Variants in GART observed in about 807,000 individuals in gnomAD.
GART encodes the protein phosphoribosylglycinamide formyltransferase, phosphoribosylglycinamide synthetase, phosphoribosylaminoimidazole synthetase, also known as trifunctional purine biosynthetic protein adenosine-3.
A neutral mutation model predicts 107.2 loss-of-function variants in GART; 43 were observed. That is an observed-to-expected ratio of 0.40 (90% CI 0.31 to 0.52). The LOEUF is 0.52. GART is among the 20% of genes least tolerant of loss of function. The pLI is 0.52. For missense variants in GART, 1,107 were observed against 1,206.5 expected, an observed-to-expected ratio of 0.92 and a Z score of 1.22; for synonymous variants, 434 against 427.0, an observed-to-expected ratio of 1.02 and a Z score of -0.20.
intron 11 of GART, 192 bp downstream of exon 11, chr21:33,524,577 C>T: frequency 8.2e-7 from 1 of 1,218,144 alleles, no homozygotes; most frequent in South Asian, 2.9e-5. Flanking sequence ...CAAACTTACG[C>T]TATCATGAAG....
At position 33,503,969 on chromosome 21, in the gene GART, T is replaced by C. The variant is rs1180168190; in HGVS notation, c.*155A>G. 6.7e-6 allele frequency: 4 copies of C among 594,396 alleles called. No homozygotes were observed. In the Admixed American group the frequency reaches 1.3e-4, roughly 19 times the overall value. The allele number at this position is 594,396 out of a possible 1,614,324, so 36.8% of individuals were successfully genotyped here. A position where few individuals can be genotyped will look rare whatever the true frequency, so the allele number is the denominator to read the frequency against. On this transcript the variant is annotated 3_prime_UTR_variant, in exon 22 of 22. Coordinates refer to ENST00000381815, the MANE Select transcript of GART (RefSeq NM_000819.5). ...CTGCACTAACTAGTCTTGTTTTTAG[T>C]GAGTCTCTATTTATTAAAAAAATAG...
At chr21:33,510,906 C>T (rs906014425) in intron 17 of GART, among the ~76,000 whole-genome samples, 4 of 152,166 alleles carry the variant, frequency 2.6e-5, no homozygotes, top group South Asian at 2.1e-4. Flanking sequence ...TAGCACTTCT[C>T]GCAGAGTCCT....
At chr21:33,504,561 T>G in intron 20 of GART, 34 bp from the exon 21 acceptor site, 1 of 1,463,080 alleles carries the variant, frequency 6.8e-7, no homozygotes, top group Non-Finnish European at 9.5e-7. Context: ...GGTCAGAATT[T>G]AAAAATCCTG....
intron 7 of GART, 127 bp from the exon 8 acceptor site, chr21:33,529,064 C>A: frequency 1.8e-6 from 1 of 545,278 alleles, no homozygotes; most frequent in Non-Finnish European, 3.2e-6. Flanking sequence ...ATGCTGAACA[C>A]TTTGAACTTG....
chr21:33,509,501 CT>C, intron 18 of GART: 1 of 278,472 alleles, frequency 3.6e-6, no homozygotes. Flanking sequence ...TGTTTTCAGA[CT>C]TTTCAACAAC....
intron 18 of GART, chr21:33,509,261 A>G (rs1478430493): frequency 6.6e-6 from 1 of 152,630 alleles, no homozygotes; most frequent in Non-Finnish European, 1.5e-5. Flanking sequence ...CTGTCTCAAA[A>G]AGAATCACTA....
intron 11 of GART, among the ~76,000 whole-genome samples, chr21:33,522,871 T>C (rs2084998054): frequency 6.6e-6 from 1 of 152,226 alleles, no homozygotes; most frequent in African/African-American, 2.4e-5. Flanking sequence ...AATTTTGGTA[T>C]GAACAAGAGA....
intron 14 of GART, 73 bp downstream of exon 14, chr21:33,520,291 G>A: frequency 7.5e-7 from 1 of 1,325,962 alleles, no homozygotes; most frequent in South Asian, 1.2e-5. Context: ...CATTGGCACT[G>A]ATCACATTTT....
chr21:33,534,444 T>G, intron 4 of GART, 135 bp downstream of exon 4: 36 of 821,698 alleles, frequency 4.4e-5, no homozygotes, highest in Non-Finnish European at 6.2e-5. Context: ...CTCTAACTCC[T>G]GAGCTCAAGT....
chr21:33,535,350 A>G, intron 2 of GART, 30 bp from the exon 3 acceptor site: 1 of 1,168,582 alleles, frequency 8.6e-7, no homozygotes, highest in Non-Finnish European at 1.2e-6. Flanking sequence ...AAAAAAAACC[A>G]CTGCATTTAC....
intron 7 of GART, 66 bp from the exon 8 acceptor site, chr21:33,529,003 G>T: frequency 9.5e-7 from 1 of 1,050,592 alleles, no homozygotes; most frequent in Non-Finnish European, 1.5e-6. Flanking sequence ...GTATTACATG[G>T]GACAACAGAA....
At chr21:33,536,335 C>T (rs2085303587) in intron 2 of GART, among the ~76,000 whole-genome samples, 1 of 152,084 alleles carries the variant, frequency 6.6e-6, no homozygotes, top group Non-Finnish European at 1.5e-5. Flanking sequence ...TAGGATCAAC[C>T]ACATACTGAA....
chr21:33,519,665 A>C (rs1601193812), intron 14 of GART, among the ~76,000 whole-genome samples: 3 of 151,966 alleles, frequency 2.0e-5, no homozygotes, highest in African/African-American at 7.2e-5. Context: ...CTATCTCTAC[A>C]AAAAGTACAA....
At chr21:33,532,730 T>C (rs886073778) in intron 4 of GART, among the ~76,000 whole-genome samples, 1 of 152,186 alleles carries the variant, frequency 6.6e-6, no homozygotes, top group Non-Finnish European at 1.5e-5. Context: ...TAAGTAGATG[T>C]ATAGAGTAGA....
rs571274696 is a variant in GART at position 33,505,779 on chromosome 21, C to A, written c.2584-77G>T. 8 of 1,374,198 alleles carry A rather than the reference C, an allele frequency of 5.8e-6. No individual in the cohort carries two copies. In the Admixed American group the frequency reaches 1.2e-4, roughly 20 times the overall value. The allele number at this position is 1,374,198 out of a possible 1,614,324, so 85.1% of individuals were successfully genotyped here. A position where few individuals can be genotyped will look rare whatever the true frequency, so the allele number is the denominator to read the frequency against. ...ATTAAAAACTCAACCTTTACACAGA[C>A]CATACTTCACTTCCTTGTAAAGATA... On this transcript the variant is annotated intron_variant, in intron 19 of 21. Coordinates refer to ENST00000381815, the MANE Select transcript of GART (RefSeq NM_000819.5).
intron 12 of GART, among the ~76,000 whole-genome samples, chr21:33,521,231 T>C (rs2084967780): frequency 1.3e-5 from 2 of 152,210 alleles, no homozygotes; most frequent in Admixed American, 6.5e-5. Flanking sequence ...AACATGTTAA[T>C]AGGTTAAACA....
At chr21:33,527,659 CTT>C (rs1235622884) in intron 10 of GART, among the ~76,000 whole-genome samples, 1 of 152,004 alleles carries the variant, frequency 6.6e-6, no homozygotes, top group African/African-American at 2.4e-5. Context: ...GTTTCACCTA[CTT>C]TATATAAAGA....
At chr21:33,535,880 T>C (rs1350143579) in intron 2 of GART, among the ~76,000 whole-genome samples, 1 of 151,862 alleles carries the variant, frequency 6.6e-6, no homozygotes, top group Non-Finnish European at 1.5e-5. Context: ...ATACAAAAAG[T>C]AGCTGGGTGT....
intron 14 of GART, 52 bp downstream of exon 14, chr21:33,520,312 T>TA: frequency 1.9e-6 from 3 of 1,553,996 alleles, no homozygotes; most frequent in Non-Finnish European, 2.7e-6. Flanking sequence ...TACATAGGGC[T>TA]AAAACACAAA....
Sources: allele counts gnomAD v4.1 joint callset (sites outside exome capture counted in the v4.1 genomes callset), GRCh38; gene constraint gnomAD v4.1.1; transcripts MANE v1.5; gene names NCBI Gene and HGNC (gene_info 2026-07-23, HGNC 2026-07-21).